Variants in VPS41 observed in about 807,000 individuals in gnomAD.
VPS41 encodes the protein vacuolar protein sorting-associated protein 41 homolog.
A neutral mutation model predicts 130.9 loss-of-function variants in VPS41; 85 were observed. That is an observed-to-expected ratio of 0.65 (90% CI 0.55 to 0.78). VPS41 has a LOEUF of 0.78. Among genes scored for constraint, VPS41 ranks in the 30% least tolerant of loss-of-function variants. VPS41 has a pLI of 0.00. For missense variants in VPS41, 874 were observed against 1,018.7 expected, an observed-to-expected ratio of 0.86 and a Z score of 1.93; for synonymous variants, 335 against 332.9, an observed-to-expected ratio of 1.01 and a Z score of -0.07.
intron 4 of VPS41, among the ~76,000 whole-genome samples, chr7:38,832,355 C>T (rs1785406435): frequency 7.7e-6 from 1 of 130,570 alleles, no homozygotes; most frequent in Non-Finnish European, 1.6e-5. Flanking sequence ...GATTCTAGCT[C>T]TGTCACCAGG....
intron 1 of VPS41, among the ~76,000 whole-genome samples, chr7:38,902,777 G>A (rs1787173006): frequency 6.6e-6 from 1 of 152,180 alleles, no homozygotes; most frequent in African/African-American, 2.4e-5. Flanking sequence ...GTCTCTCAGG[G>A]ATACCCCAGG....
At chr7:38,752,577 G>A (rs994001163) in intron 21 of VPS41, among the ~76,000 whole-genome samples, 2 of 152,144 alleles carry the variant, frequency 1.3e-5, no homozygotes, top group African/African-American at 4.8e-5. Flanking sequence ...ATCTCTCTGA[G>A]ACTCAGTTTA....
chr7:38,809,800 C>A (rs890907706), intron 7 of VPS41, among the ~76,000 whole-genome samples: 2 of 152,086 alleles, frequency 1.3e-5, no homozygotes, highest in African/African-American at 4.8e-5. Context: ...CAAACAGCAT[C>A]GCGACAATTT....
At chr7:38,730,031 G>A (rs1795630980) in intron 25 of VPS41, among the ~76,000 whole-genome samples, 1 of 152,092 alleles carries the variant, frequency 6.6e-6, no homozygotes, top group Non-Finnish European at 1.5e-5. Flanking sequence ...CTCCCTTTGG[G>A]CCCTATGTGT....
At chr7:38,823,752 T>C (rs1785218823) in intron 5 of VPS41, among the ~76,000 whole-genome samples, 1 of 152,164 alleles carries the variant, frequency 6.6e-6, no homozygotes. Flanking sequence ...CAGGAGATAA[T>C]ATAATGTAAA....
At chr7:38,756,715 A>G (rs1350536413) in intron 19 of VPS41, 123 bp downstream of exon 19, 2 of 699,620 alleles carry the variant, frequency 2.9e-6, no homozygotes. Flanking sequence ...TGTTCTAAAG[A>G]TTGTCGGCAT....
At chr7:38,783,408 G>A (rs1353324494) in intron 10 of VPS41, among the ~76,000 whole-genome samples, 12 of 151,930 alleles carry the variant, frequency 7.9e-5, no homozygotes, top group Non-Finnish European at 1.6e-4. Flanking sequence ...GGTGGCAGGC[G>A]CCTGTAATCC....
intron 17 of VPS41, among the ~76,000 whole-genome samples, chr7:38,762,008 C>A (rs1370661309): frequency 3.3e-5 from 5 of 152,182 alleles, no homozygotes; most frequent in Non-Finnish European, 5.9e-5. Flanking sequence ...AGTTTGGCCT[C>A]ATTTTTTCTT....
In VPS41 at chr7:38,743,753, G is replaced by C. The variant is rs1795931619; in HGVS notation, c.1982-211C>G. ...TACTCTGTACTGAGTACTCATTTAA[G>C]TGCCTCATATAAATGACATCATATA... On this transcript the variant is annotated intron_variant, in intron 23 of 28. Transcript: ENST00000310301. 6.6e-5 allele frequency among the ~76,000 whole-genome samples: 10 copies of C among 152,046 alleles called. No homozygotes were observed. In the South Asian group the frequency reaches 1.7e-3, roughly 25 times the overall value.
intron 2 of VPS41, among the ~76,000 whole-genome samples, chr7:38,896,893 G>A (rs557655836): frequency 2.6e-5 from 4 of 152,254 alleles, no homozygotes; most frequent in African/African-American, 9.6e-5. Flanking sequence ...AAATTGATAA[G>A]CCAATTACAT....
chr7:38,890,393 G>T (rs1786834806), intron 2 of VPS41, among the ~76,000 whole-genome samples: 2 of 152,232 alleles, frequency 1.3e-5, no homozygotes, highest in Non-Finnish European at 2.9e-5. Context: ...GGCAAGGAGT[G>T]GCTGTGACCA....
At chr7:38,802,433 A>T (rs955640014) in intron 7 of VPS41, among the ~76,000 whole-genome samples, 12 of 152,082 alleles carry the variant, frequency 7.9e-5, no homozygotes, top group South Asian at 2.1e-4. Flanking sequence ...TAAAACCTTA[A>T]ATGCCTGCTA....
intron 17 of VPS41, among the ~76,000 whole-genome samples, chr7:38,758,753 C>T (rs1357912811): frequency 6.6e-6 from 1 of 152,196 alleles, no homozygotes; most frequent in African/African-American, 2.4e-5. Context: ...CCCTGCCCCA[C>T]AACCTCCAAG....
rs904773564 is a variant in VPS41 at position 38,887,442 on chromosome 7, G to A, written c.60+10649C>T. ...GAAAGGATATCAGTGATTGAAGATC[G>A]AATTAGTGAAACAAAGCAAGAAGAC... On this transcript the variant is annotated intron_variant, in intron 2 of 28. Coordinates refer to ENST00000310301, the MANE Select transcript of VPS41 (RefSeq NM_014396.4). 6.6e-5 allele frequency among the ~76,000 whole-genome samples: 10 copies of A among 152,178 alleles called. No individual in the cohort carries two copies. In the East Asian group the frequency reaches 1.7e-3, roughly 26 times the overall value.
rs761594064 is a variant in VPS41, at chr7:38,830,310, G to T, written c.265C>A (p.Gln89Lys). 1.2e-6 allele frequency: 2 copies of T among 1,610,966 alleles called. No individual in the cohort carries two copies. Among genetic ancestry groups the T allele is most frequent in the South Asian group, 2.2e-5 (2 of 91,018 alleles). ...KFDVSPVKIN[Q>K]ISLDESGEHM... ...TCTCCACTTTCATCCAAGCTAATCTGATTTATCTTCACAGGACTCTAAAAA... is the reference window on the plus strand; with the variant it reads ...TCTCCACTTTCATCCAAGCTAATCTTATTTATCTTCACAGGACTCTAAAAA... The change falls in exon 5 of 29, where the codon CAG (glutamine) becomes AAG (lysine). Residue 89 changes from glutamine to lysine, a missense_variant. By Grantham distance (53) the Gln-to-Lys change is moderately conservative. Coordinates refer to ENST00000310301, the MANE Select transcript of VPS41 (RefSeq NM_014396.4).
Position 38,727,128 on chromosome 7 carries a change from T to A in VPS41, c.2405-140A>T. ...AGAGAATGGCTTATTTACAAAAGCA[T>A]TCCTGAGGGGTGGTATGATCAGACA... On this transcript the variant is annotated intron_variant, in intron 27 of 28. Coordinates refer to ENST00000310301, the MANE Select transcript of VPS41 (RefSeq NM_014396.4). 4.8e-6 allele frequency: 3 copies of A among 629,774 alleles called. No individual in the cohort carries two copies. In the East Asian group the frequency reaches 1.0e-4, roughly 22 times the overall value. The allele number at this position is 629,774 out of a possible 1,614,324, so 39.0% of individuals were successfully genotyped here. A position where few individuals can be genotyped will look rare whatever the true frequency, so the allele number is the denominator to read the frequency against.
chr7:38,741,733 A>C (rs1453369132), intron 25 of VPS41, among the ~76,000 whole-genome samples: 2 of 152,242 alleles, frequency 1.3e-5, no homozygotes, highest in Non-Finnish European at 2.9e-5. Context: ...CTCAAAAACA[A>C]GTGAAAATTG....
chr7:38,831,302 ATATGGTAC>A (rs1487048998), intron 4 of VPS41: 4 of 466,278 alleles, frequency 8.6e-6, no homozygotes, highest in Admixed American at 7.2e-5. Context: ...TTCCTGTCCA[ATATGGTAC>A]TGTCCACATG....
chr7:38,761,243 T>TTCTC (rs55853941), intron 17 of VPS41, among the ~76,000 whole-genome samples: 3 of 123,380 alleles, frequency 2.4e-5, no homozygotes, highest in East Asian at 4.7e-4. Flanking sequence ...TTCTTTGTTT[T>TTCTC]TCTCTCTCTC....
Sources: gnomAD v4.1 joint callset for allele counts (sites outside exome capture counted in the v4.1 genomes callset) on GRCh38, gnomAD v4.1.1 for gene constraint, MANE v1.5 for transcripts, NCBI Gene and HGNC (gene_info 2026-07-23, HGNC 2026-07-21) for gene names.